Variants in GNPTAB observed in about 807,000 individuals in gnomAD.
GNPTAB encodes N-acetylglucosamine-1-phosphotransferase subunits alpha/beta.
In GNPTAB, 92 loss-of-function variants were observed where a neutral mutation model predicts 136.6. The ratio of observed to expected loss-of-function variants is 0.67; its 90% CI spans 0.57 to 0.80. The LOEUF is 0.80. Ranked by LOEUF, GNPTAB falls within the 30% of genes least tolerant of loss-of-function variation. GNPTAB has a pLI of 0.00. For synonymous variants in GNPTAB, 512 were observed against 535.1 expected (o/e 0.96, Z 0.60); for missense variants, 1,343 against 1,501.8 (o/e 0.89, Z 1.75).
At chr12:101,772,573 T>C (rs1200302480) in intron 7 of GNPTAB, among the ~76,000 whole-genome samples, 1 of 152,208 alleles carries the variant, frequency 6.6e-6, no homozygotes, top group Non-Finnish European at 1.5e-5. Flanking sequence ...CCTCTTTTAC[T>C]TAGTGAGTGC....
chr12:101,818,866 A>T (rs548103096), intron 1 of GNPTAB, among the ~76,000 whole-genome samples: 1 of 152,150 alleles, frequency 6.6e-6, no homozygotes, highest in East Asian at 1.9e-4. Flanking sequence ...GTCTCACAAG[A>T]TCTGATGGTT....
chr12:101,780,565 C>G lies in GNPTAB; in HGVS notation c.628G>C (p.Gly210Arg). Reference protein sequence around the residue: ...KGNSRQTVWRGYLTTDKEVPG... With the variant: ...KGNSRQTVWRRYLTTDKEVPG... ...AATTTAAAATAACATACCAAGTAGCCCCTCCATACTGTCTGTCTGCTATTT... is the reference window on the plus strand; with the variant it reads ...AATTTAAAATAACATACCAAGTAGCGCCTCCATACTGTCTGTCTGCTATTT... The change falls in exon 6 of 21, where the codon GGC (glycine) becomes CGC (arginine). Residue 210 changes from glycine to arginine, a missense_variant. Gly to Arg is a moderately radical substitution (Grantham distance 125, BLOSUM62 -2). Transcript: ENST00000299314. 3.1e-6 allele frequency: 5 copies of G among 1,605,084 alleles called. No homozygotes were observed. Among genetic ancestry groups the G allele is most frequent in the Non-Finnish European group, 3.4e-6 (4 of 1,172,546 alleles).
intron 5 of GNPTAB, among the ~76,000 whole-genome samples, chr12:101,785,005 A>G (rs2137143121): frequency 6.6e-6 from 1 of 152,330 alleles, no homozygotes; most frequent in East Asian, 1.9e-4. Context: ...GTGCAGTTTT[A>G]TGCCAGGAAT....
At chr12:101,784,464 C>G (rs1868516356) in intron 5 of GNPTAB, among the ~76,000 whole-genome samples, 1 of 152,088 alleles carries the variant, frequency 6.6e-6, no homozygotes, top group Non-Finnish European at 1.5e-5. Context: ...AGTTTGTATC[C>G]ATGTGAAAAG....
chr12:101,775,281 AC>A (rs1370307538), intron 7 of GNPTAB, among the ~76,000 whole-genome samples: 4 of 152,126 alleles, frequency 2.6e-5, no homozygotes, highest in African/African-American at 9.7e-5. Context: ...TAGGAAAAAA[AC>A]CCCACGTCTG....
chr12:101,753,514 T>C lies in GNPTAB; in HGVS notation c.3460A>G (p.Ile1154Val), dbSNP rs1393719423. ...PRKFVCLNDN[I>V]DHNHKDAQTV... ...TGAGCATCTTTATGATTGTGGTCAA[T>C]GTTGTCATTCAGGCAAACAAACTTC... Residue 1154 changes from isoleucine to valine, a missense_variant, in exon 19 of 21, where the codon ATT becomes GTT. Ile to Val is a conservative substitution (Grantham distance 29, BLOSUM62 3). Coordinates refer to ENST00000299314, the MANE Select transcript of GNPTAB (RefSeq NM_024312.5). 2 of 1,614,060 alleles carry C rather than the reference T, an allele frequency of 1.2e-6. No homozygotes were observed.
At chr12:101,771,192 C>T in intron 7 of GNPTAB, 35 bp from the exon 8 acceptor site, 1 of 1,571,018 alleles carries the variant, frequency 6.4e-7, no homozygotes, top group Non-Finnish European at 8.8e-7. Flanking sequence ...CATGAAAAGA[C>T]TGAATCTCAA....
At chr12:101,757,946 C>T (rs1327635075) in intron 16 of GNPTAB, among the ~76,000 whole-genome samples, 1 of 152,074 alleles carries the variant, frequency 6.6e-6, no homozygotes, top group East Asian at 1.9e-4. Context: ...AGTACACAGA[C>T]GAGCTGCTCT....
chr12:101,799,087 C>T (rs1207237688), intron 1 of GNPTAB, among the ~76,000 whole-genome samples: 1 of 152,190 alleles, frequency 6.6e-6, no homozygotes, highest in Non-Finnish European at 1.5e-5. Flanking sequence ...GAAGCTGTCA[C>T]TCCCAGCTAG....
At chr12:101,807,635 A>C (rs537574589) in intron 1 of GNPTAB, among the ~76,000 whole-genome samples, 1 of 152,338 alleles carries the variant, frequency 6.6e-6, no homozygotes, top group Admixed American at 6.5e-5. Flanking sequence ...GCAGGATACA[A>C]AGTTAACATA....
intron 18 of GNPTAB, 32 bp downstream of exon 18, chr12:101,757,180 C>A (rs1207087729): frequency 8.8e-7 from 1 of 1,139,494 alleles, no homozygotes; most frequent in East Asian, 2.4e-5. Flanking sequence ...GGTTTATTTG[C>A]ATAATTAAAA....
rs1869290474 is a variant in GNPTAB, at chr12:101,796,386, A to T, written c.203+291T>A. The T allele has an allele frequency of 4.5e-6, 3 of 665,200 alleles. No homozygotes were observed. The East Asian group carries it at 8.1e-5, about 18-fold the overall frequency. The allele number at this position is 665,200 out of a possible 1,614,324, so 41.2% of individuals were successfully genotyped here. A position where few individuals can be genotyped will look rare whatever the true frequency, so the allele number is the denominator to read the frequency against. On this transcript the variant is annotated intron_variant, in intron 2 of 20. Coordinates refer to ENST00000299314, the MANE Select transcript of GNPTAB (RefSeq NM_024312.5). ...GGTGAACACACTTTTCTTCAGATGG[A>T]CATATTTTCTTTCCTTATTTTAAAA...
At chr12:101,801,719 T>C (rs1459819853) in intron 1 of GNPTAB, among the ~76,000 whole-genome samples, 2 of 151,492 alleles carry the variant, frequency 1.3e-5, no homozygotes, top group Non-Finnish European at 2.9e-5. Flanking sequence ...AAGGAGGCTG[T>C]ATGAAGGAAA....
chr12:101,761,864 C>T (rs768991338), intron 13 of GNPTAB, 101 bp from the exon 14 acceptor site: 129 of 886,246 alleles, frequency 1.5e-4, no homozygotes, highest in Non-Finnish European at 2.1e-4. Context: ...TAGTCACGAA[C>T]TCTTCATTAG....
chr12:101,801,238 A>C (rs1869605251), intron 1 of GNPTAB, among the ~76,000 whole-genome samples: 1 of 144,742 alleles, frequency 6.9e-6, no homozygotes, highest in African/African-American at 2.5e-5. Context: ...TCTCAAAAAA[A>C]AAAAAAAAAA....
chr12:101,814,599 A>G (rs1006662351), intron 1 of GNPTAB, among the ~76,000 whole-genome samples: 1 of 151,588 alleles, frequency 6.6e-6, no homozygotes, highest in Non-Finnish European at 1.5e-5. Flanking sequence ...CGTGAGGCTG[A>G]GCCAGGAGAA....
rs1566077998 is a variant in GNPTAB, at chr12:101,771,030, G to A, written c.899C>T (p.Ala300Val). Residue 300 changes from alanine (A) to valine (V), a missense_variant, in exon 8 of 21, where the codon GCA becomes GTA. Coordinates refer to ENST00000299314, the MANE Select transcript of GNPTAB (RefSeq NM_024312.5). ...IDGKELTISP[A>V]YLLWDLSAIS... Reference sequence around the variant, plus strand: ...GGCGCTCAGATCCCATAATAAATATGCAGGACTTATGGTCAGTTCTTTTCC... The same window carrying A: ...GGCGCTCAGATCCCATAATAAATATACAGGACTTATGGTCAGTTCTTTTCC... 1 of 1,613,830 alleles carries A rather than the reference G, an allele frequency of 6.2e-7. No homozygotes were observed. The highest frequency in any genetic ancestry group is 1.1e-5 in the South Asian group (1 of 91,074).
At chr12:101,760,183 T>C (rs960760104) in intron 15 of GNPTAB, 40 bp from the exon 16 acceptor site, 4 of 1,194,664 alleles carry the variant, frequency 3.3e-6, no homozygotes, top group Non-Finnish European at 5.0e-6. Context: ...ATGCGCATTG[T>C]AAGTAATGAC....
chr12:101,768,305 CT>C (rs1375746250), intron 10 of GNPTAB, 145 bp from the exon 11 acceptor site: 2 of 857,542 alleles, frequency 2.3e-6, no homozygotes, highest in Non-Finnish European at 3.6e-6. Context: ...CTCACAAGTG[CT>C]TTAAGTTTGC....
Sources: allele counts gnomAD v4.1 joint callset (sites outside exome capture counted in the v4.1 genomes callset), GRCh38; gene constraint gnomAD v4.1.1; transcripts MANE v1.5; gene names NCBI Gene and HGNC (gene_info 2026-07-23, HGNC 2026-07-21).